ZDHHC2: variants seen among roughly 807,000 people sequenced by gnomAD.
ZDHHC2 encodes the protein palmitoyltransferase ZDHHC2.
Under a neutral mutation model 55.6 loss-of-function variants are expected in ZDHHC2, and 51 were observed. The observed-to-expected ratio is 0.92, with a 90% CI of 0.73 to 1.16. ZDHHC2 has a LOEUF of 1.16. ZDHHC2 is among the 50% of genes most tolerant of loss of function. ZDHHC2 has a pLI of 0.00. For missense variants in ZDHHC2, 491 were observed against 442.4 expected (o/e 1.11, Z -0.99); for synonymous variants, 199 against 152.9 (o/e 1.30, Z -2.22).
At chr8:17,204,581 A>G (rs2150937474) in intron 6 of ZDHHC2, among the ~76,000 whole-genome samples, 1 of 152,314 alleles carries the variant, frequency 6.6e-6, no homozygotes, top group South Asian at 2.1e-4. Context: ...GAGTGAGCCT[A>G]TAAGCCTATG....
chr8:17,211,000 G>C lies in ZDHHC2; in HGVS notation c.950+520G>C, dbSNP rs1323010236. On this transcript the variant is annotated intron_variant, in intron 10 of 12. Coordinates refer to ENST00000262096, the MANE Select transcript of ZDHHC2 (RefSeq NM_016353.5). Reference sequence around the variant, plus strand: ...ATTATCTGAGCCATTTCTGTGGAGAGAGAAGCCAGAGTCTTAGAAATTCAT... The same window carrying C: ...ATTATCTGAGCCATTTCTGTGGAGACAGAAGCCAGAGTCTTAGAAATTCAT... 2.6e-5 allele frequency among the ~76,000 whole-genome samples: 4 copies of C among 152,120 alleles called. No homozygotes were observed. In the East Asian group the frequency reaches 7.7e-4, roughly 29 times the overall value.
intron 10 of ZDHHC2, 49 bp from the exon 11 acceptor site, chr8:17,215,188 T>C (rs1807591403): frequency 6.7e-7 from 1 of 1,499,224 alleles, no homozygotes; most frequent in African/African-American, 1.4e-5. Context: ...AACTTTACTA[T>C]CAAAAATTAG....
chr8:17,176,528 G>C (rs960952627), intron 1 of ZDHHC2, among the ~76,000 whole-genome samples: 1 of 151,932 alleles, frequency 6.6e-6, no homozygotes, highest in Non-Finnish European at 1.5e-5. Flanking sequence ...TCAAGATAAA[G>C]TGCAAATTTT....
intron 2 of ZDHHC2, among the ~76,000 whole-genome samples, chr8:17,185,930 T>C (rs34728149): frequency 0.033 from 5,030 of 152,346 alleles, 115 homozygotes; most frequent in Middle Eastern, 0.061. Context: ...ACTGCCTTTG[T>C]TATCTGTGTC....
In ZDHHC2 at chr8:17,222,910, AGTT is replaced by A. The variant is rs1448693375; in HGVS notation, c.*2690_*2692del. Reference sequence around the variant, plus strand: ...GAAAATAAGGTATTTACTTTGTAGTAGTTAAGTGATTCTGAGGACAATTAGAAA... The same window carrying A: ...GAAAATAAGGTATTTACTTTGTAGTAAAGTGATTCTGAGGACAATTAGAAA... On this transcript the variant is annotated 3_prime_UTR_variant, in exon 13 of 13. Coordinates refer to ENST00000262096, the MANE Select transcript of ZDHHC2 (RefSeq NM_016353.5). 6.6e-6 allele frequency: 1 copy of A among 151,916 alleles called. No homozygotes were observed. Among genetic ancestry groups the A allele is most frequent in the Non-Finnish European group, 1.5e-5 (1 of 67,784 alleles). The allele number at this position is 151,916 out of a possible 1,614,324, so 9.4% of individuals were successfully genotyped here.
intron 1 of ZDHHC2, chr8:17,157,645 T>C (rs570325544): frequency 6.6e-6 from 1 of 152,290 alleles, no homozygotes; most frequent in South Asian, 2.1e-4. Flanking sequence ...AAGTAGGGAG[T>C]ACAATGATGT....
chr8:17,198,854 A>T (rs903483454), intron 6 of ZDHHC2, among the ~76,000 whole-genome samples: 2 of 152,240 alleles, frequency 1.3e-5, no homozygotes, highest in African/African-American at 4.8e-5. Flanking sequence ...AACTACACAG[A>T]TATACAAATG....
At chr8:17,199,556 TTCG>T (rs1203257029) in intron 6 of ZDHHC2, among the ~76,000 whole-genome samples, 16 of 104,580 alleles carry the variant, frequency 1.5e-4, no homozygotes, top group East Asian at 5.4e-4. Flanking sequence ...TGTCTTCGTC[TTCG>T]TCTTCTTCGT....
chr8:17,172,534 C>T (rs1421633945), intron 1 of ZDHHC2, among the ~76,000 whole-genome samples: 2 of 152,154 alleles, frequency 1.3e-5, no homozygotes, highest in African/African-American at 2.4e-5. Flanking sequence ...CTATACTCAA[C>T]CATACGGTAT....
intron 6 of ZDHHC2, among the ~76,000 whole-genome samples, chr8:17,199,546 T>TCTTGTCTTC (rs1806566009): frequency 1.7e-4 from 7 of 40,666 alleles, no homozygotes; most frequent in African/African-American, 5.1e-4. Flanking sequence ...CTTCGTCTTC[T>TCTTGTCTTC]GTCTTCGTCT....
At chr8:17,207,065 A>C (rs1230553467) in intron 7 of ZDHHC2, among the ~76,000 whole-genome samples, 2 of 152,216 alleles carry the variant, frequency 1.3e-5, no homozygotes, top group Non-Finnish European at 2.9e-5. Flanking sequence ...TTTAGTTTCA[A>C]ACCACAAACA....
chr8:17,192,335 C>G (rs754164378), intron 3 of ZDHHC2, among the ~76,000 whole-genome samples: 1 of 152,148 alleles, frequency 6.6e-6, no homozygotes, highest in Non-Finnish European at 1.5e-5. Context: ...ACGATGATAA[C>G]TCATTGTAGT....
chr8:17,156,968 A>G (rs1025660601), intron 1 of ZDHHC2, 115 bp downstream of exon 1: 6 of 1,010,222 alleles, frequency 5.9e-6, no homozygotes, highest in South Asian at 2.3e-5. Flanking sequence ...GGCGCTGCCA[A>G]CCTGCCGCGT....
At chr8:17,168,671 GGC>G (rs1427187404) in intron 1 of ZDHHC2, among the ~76,000 whole-genome samples, 1 of 151,610 alleles carries the variant, frequency 6.6e-6, no homozygotes, top group African/African-American at 2.4e-5. Context: ...CCCACCCTCT[GGC>G]AGCCACCATT....
intron 1 of ZDHHC2, among the ~76,000 whole-genome samples, chr8:17,162,589 G>A (rs191954555): frequency 8.5e-5 from 13 of 152,172 alleles, no homozygotes; most frequent in East Asian, 3.9e-4. Flanking sequence ...TCGTTCAAAA[G>A]CATTTACTTG....
chr8:17,162,215 T>C (rs967994210), intron 1 of ZDHHC2, among the ~76,000 whole-genome samples: 5 of 152,198 alleles, frequency 3.3e-5, no homozygotes, highest in African/African-American at 4.8e-5. Context: ...TAAACCCTAT[T>C]AGAGAAAAAC....
chr8:17,177,860 A>G (rs1180444379), intron 1 of ZDHHC2, among the ~76,000 whole-genome samples: 1 of 152,054 alleles, frequency 6.6e-6, no homozygotes, highest in Non-Finnish European at 1.5e-5. Context: ...TTTTATATTG[A>G]AAAGTTAGTG....
At chr8:17,167,642 C>T (rs1208095406) in intron 1 of ZDHHC2, among the ~76,000 whole-genome samples, 1 of 152,026 alleles carries the variant, frequency 6.6e-6, no homozygotes, top group African/African-American at 2.4e-5. Context: ...AATAAAAAAC[C>T]TTTTTTTCTT....
intron 1 of ZDHHC2, among the ~76,000 whole-genome samples, chr8:17,179,601 C>G (rs1180068966): frequency 1.3e-5 from 2 of 152,030 alleles, no homozygotes; most frequent in Non-Finnish European, 2.9e-5. Context: ...TGTAGAGACA[C>G]AGTCTCAATG....
Sources: allele counts gnomAD v4.1 joint callset (sites outside exome capture counted in the v4.1 genomes callset), GRCh38; gene constraint gnomAD v4.1.1; transcripts MANE v1.5; gene names NCBI Gene and HGNC (gene_info 2026-07-23, HGNC 2026-07-21).